Variants in NEGR1 observed in about 807,000 individuals in gnomAD.
NEGR1 encodes neuronal growth regulator 1.
NEGR1 carries 10 observed loss-of-function variants against 40.9 expected under a neutral mutation model. The ratio of observed to expected loss-of-function variants is 0.24; its 90% confidence interval spans 0.15 to 0.42. The LOEUF (loss-of-function observed/expected upper bound fraction) is 0.42, where lower values mean the gene tolerates loss of function less well. Ranked by LOEUF, NEGR1 falls within the 10% of genes least tolerant of loss-of-function variation. The probability of loss-of-function intolerance (pLI) is 1.00; values close to 1 mark genes in which losing one functional copy is unlikely to be tolerated. For missense variants in NEGR1, 352 were observed against 438.9 expected (o/e 0.80, Z 1.77); for synonymous variants, 185 against 166.8 (o/e 1.11, Z -0.84).
intron 4 of NEGR1, among the ~76,000 whole-genome samples, chr1:71,651,104 A>G (rs1557600282): frequency 6.6e-6 from 1 of 152,176 alleles, no homozygotes; most frequent in Non-Finnish European, 1.5e-5. Flanking sequence ...TCAAAGAAAA[A>G]CTAAGACAAA....
At chr1:71,425,269 G>A (rs911752925) in intron 6 of NEGR1, among the ~76,000 whole-genome samples, 5 of 152,128 alleles carry the variant, frequency 3.3e-5, no homozygotes, top group African/African-American at 7.2e-5. Flanking sequence ...AGGCAAGGCC[G>A]AATCTCTCTT....
intron 1 of NEGR1, among the ~76,000 whole-genome samples, chr1:71,938,410 GTTTTTTTTT>G (rs571760372): frequency 9.1e-6 from 1 of 109,894 alleles, no homozygotes; most frequent in Non-Finnish European, 1.9e-5. Context: ...ATGTGTAGGT[GTTTTTTTTT>G]TTTTTTTTTT....
intron 4 of NEGR1, among the ~76,000 whole-genome samples, chr1:71,692,716 A>G (rs1653333011): frequency 6.6e-6 from 1 of 151,800 alleles, no homozygotes; most frequent in African/African-American, 2.4e-5. Flanking sequence ...TCAATTCCAC[A>G]TGTTTGGAGC....
intron 1 of NEGR1, among the ~76,000 whole-genome samples, chr1:72,117,100 C>G (rs1649612011): frequency 6.6e-6 from 1 of 151,686 alleles, no homozygotes; most frequent in South Asian, 2.1e-4. Context: ...GTTCTTCCCT[C>G]TGTTTTCTTG....
chr1:72,044,640 T>C (rs530258729), intron 1 of NEGR1, among the ~76,000 whole-genome samples: 2 of 151,948 alleles, frequency 1.3e-5, no homozygotes, highest in East Asian at 3.9e-4. Context: ...AATCATACTT[T>C]CATTCAGTGA....
intron 1 of NEGR1, among the ~76,000 whole-genome samples, chr1:72,157,164 T>A (rs1000693411): frequency 7.2e-5 from 11 of 152,038 alleles, no homozygotes; most frequent in Non-Finnish European, 1.5e-4. Flanking sequence ...AGAGATAGGG[T>A]CTCACTATGT....
chr1:71,953,313 T>G (rs1303492328), intron 1 of NEGR1, among the ~76,000 whole-genome samples: 1 of 151,582 alleles, frequency 6.6e-6, no homozygotes, highest in Non-Finnish European at 1.5e-5. Flanking sequence ...TGACTGGAGA[T>G]GCGGTGGAAA....
At chr1:71,434,460 A>G (rs145683823) in intron 6 of NEGR1, among the ~76,000 whole-genome samples, 2 of 152,316 alleles carry the variant, frequency 1.3e-5, no homozygotes, top group East Asian at 1.9e-4. Context: ...AGTGATGAGT[A>G]TCTGCTTAAT....
chr1:72,024,621 AT>A (rs1374094245), intron 1 of NEGR1, among the ~76,000 whole-genome samples: 6 of 152,138 alleles, frequency 3.9e-5, no homozygotes, highest in African/African-American at 1.4e-4. Context: ...TAATGAGAAA[AT>A]TTCCAAATGA....
intron 1 of NEGR1, among the ~76,000 whole-genome samples, chr1:72,277,142 T>G (rs1055648805): frequency 3.3e-5 from 5 of 152,098 alleles, no homozygotes; most frequent in African/African-American, 1.2e-4. Context: ...AAGACTACTT[T>G]CCATTGGCTA....
chr1:72,207,890 AAG>A (rs1263514172), intron 1 of NEGR1, among the ~76,000 whole-genome samples: 7 of 151,800 alleles, frequency 4.6e-5, no homozygotes, highest in African/African-American at 1.7e-4. Flanking sequence ...TAGTACAAAA[AAG>A]AGCAATTTGA....
chr1:72,220,446 C>A (rs1653975340), intron 1 of NEGR1, among the ~76,000 whole-genome samples: 1 of 151,816 alleles, frequency 6.6e-6, no homozygotes, highest in Non-Finnish European at 1.5e-5. Context: ...TCCTTTCTGG[C>A]ACAAAGTAAA....
At chr1:71,867,855 T>G (rs2101829813) in intron 2 of NEGR1, among the ~76,000 whole-genome samples, 1 of 152,320 alleles carries the variant, frequency 6.6e-6, no homozygotes, top group East Asian at 1.9e-4. Context: ...TATGTTCCCT[T>G]TTCTCTTAGC....
intron 4 of NEGR1, among the ~76,000 whole-genome samples, chr1:71,612,304 C>T (rs560021587): frequency 4.5e-4 from 68 of 152,310 alleles, no homozygotes; most frequent in South Asian, 1.0e-3. Context: ...CTTTTCAGTT[C>T]CTTGAAGGCA....
chr1:71,772,731 A>G (rs1656372244), intron 3 of NEGR1, among the ~76,000 whole-genome samples: 1 of 152,058 alleles, frequency 6.6e-6, no homozygotes, highest in Admixed American at 6.6e-5. Context: ...GATAAAAAAC[A>G]CCTAGAGATA....
At chr1:71,542,741 G>A (rs1010872448) in intron 6 of NEGR1, among the ~76,000 whole-genome samples, 1 of 151,684 alleles carries the variant, frequency 6.6e-6, no homozygotes, top group Non-Finnish European at 1.5e-5. Flanking sequence ...TTAGCAATAT[G>A]CCAGGGCAGG....
In NEGR1 at chr1:71,638,927, T is replaced by C. The variant is rs552077796; in HGVS notation, c.668-27781A>G. Among the ~76,000 whole-genome samples the C allele has an allele frequency of 1.8e-4, 28 of 151,926 alleles. No individual in the cohort carries two copies. The South Asian group carries it at 5.4e-3, about 29-fold the overall frequency. On this transcript the variant is annotated intron_variant, in intron 4 of 6. Transcript: ENST00000357731. ...TTAGTACTGAGAGAAAAATAGTTAT[T>C]TGTAGTTTTTAACAGCTATACTCAC...
intron 1 of NEGR1, among the ~76,000 whole-genome samples, chr1:72,034,653 G>T (rs1557493780): frequency 6.6e-6 from 1 of 152,136 alleles, no homozygotes; most frequent in Non-Finnish European, 1.5e-5. Context: ...CTCATTAATA[G>T]GTCACAAAAG....
Position 71,403,574 on chromosome 1 carries a change from G to A in NEGR1, c.*3872C>T, listed in dbSNP as rs897198307. 5 of 236,076 alleles carry A rather than the reference G, an allele frequency of 2.1e-5. No homozygotes were observed. The highest frequency in any genetic ancestry group is 1.1e-4 in the Admixed American group (2 of 17,800). The allele number at this position is 236,076 out of a possible 1,614,324, so 14.6% of individuals were successfully genotyped here. A position where few individuals can be genotyped will look rare whatever the true frequency, so the allele number is the denominator to read the frequency against. On this transcript the variant is annotated 3_prime_UTR_variant, in exon 7 of 7. Transcript: ENST00000357731. ...GAAAGAATATAGTGTGGAGTCATTT[G>A]AAACTGTAGCATCTAGAATTTTTAC...
Sources: gnomAD v4.1 joint callset for allele counts (sites outside exome capture counted in the v4.1 genomes callset) on GRCh38, gnomAD v4.1.1 for gene constraint, MANE v1.5 for transcripts, NCBI Gene and HGNC (gene_info 2026-07-23, HGNC 2026-07-21) for gene names.